The following NXPE2 variants were observed in gnomAD, a reference collection of about 807,000 sequenced individuals.
NXPE2 encodes the protein neurexophilin and PC-esterase domain family member 2, also known as NXPE family member 2.
In NXPE2, 34 loss-of-function variants were observed where a neutral mutation model predicts 34.4. The ratio of observed to expected loss-of-function variants is 0.99; its 90% CI spans 0.75 to 1.31. NXPE2 has a LOEUF of 1.31. Ranked by LOEUF, NXPE2 falls within the 40% of genes most tolerant of loss-of-function variation. The pLI is 0.00. For missense variants in NXPE2, 649 were observed against 672.5 expected (o/e 0.97, Z 0.39); for synonymous variants, 235 against 231.3 (o/e 1.02, Z -0.15).
the NXPE2 span, among the ~76,000 whole-genome samples, chr11:114,474,101 C>G: frequency 3.9e-5 from 6 of 152,150 alleles, no homozygotes; most frequent in African/African-American, 1.2e-4. Flanking sequence ...CATCAATTTG[C>G]TTTTGCACAG....
At chr11:114,561,526 C>T in the NXPE2 span, among the ~76,000 whole-genome samples, 2 of 152,142 alleles carry the variant, frequency 1.3e-5, no homozygotes, top group Non-Finnish European at 2.9e-5. Context: ...GTAGCTCTTT[C>T]AGAGGGGACC....
At chr11:114,594,485 C>G in the NXPE2 span, among the ~76,000 whole-genome samples, 1 of 152,178 alleles carries the variant, frequency 6.6e-6, no homozygotes, top group African/African-American at 2.4e-5. Flanking sequence ...TGTGAACACA[C>G]ACACAGTATT....
At chr11:114,598,991 CA>C in the NXPE2 span, among the ~76,000 whole-genome samples, 1 of 152,272 alleles carries the variant, frequency 6.6e-6, no homozygotes, top group Non-Finnish European at 1.5e-5. Context: ...TTCTTTTTAC[CA>C]TATGGCCAGG....
At chr11:114,798,677 C>T in the NXPE2 span, among the ~76,000 whole-genome samples, 3 of 152,204 alleles carry the variant, frequency 2.0e-5, no homozygotes, top group Non-Finnish European at 4.4e-5. Flanking sequence ...CCACTGCACC[C>T]GGCCGGGACT....
At chr11:114,472,488 C>A in the NXPE2 span, among the ~76,000 whole-genome samples, 1 of 152,208 alleles carries the variant, frequency 6.6e-6, no homozygotes, top group South Asian at 2.1e-4. Flanking sequence ...ATGTGGCCCA[C>A]GGGCTGTGGA....
chr11:114,519,567 G>T, the NXPE2 span, among the ~76,000 whole-genome samples: 2 of 152,142 alleles, frequency 1.3e-5, no homozygotes, highest in East Asian at 3.8e-4. Flanking sequence ...CTTTCCCGGG[G>T]TGTCAGGGAA....
At chr11:114,557,640 T>C in the NXPE2 span, among the ~76,000 whole-genome samples, 1 of 9,906 alleles carries the variant, frequency 1.0e-4, no homozygotes, top group Non-Finnish European at 1.6e-4. Flanking sequence ...AATACATATA[T>C]ATATATATAT....
chr11:114,537,615 C>T, the NXPE2 span, among the ~76,000 whole-genome samples: 9 of 152,274 alleles, frequency 5.9e-5, no homozygotes, highest in Admixed American at 2.6e-4. Context: ...GCAAAAATCA[C>T]GAGCATTCTT....
chr11:114,545,691 CTTT>C, the NXPE2 span, among the ~76,000 whole-genome samples: 2 of 138,762 alleles, frequency 1.4e-5, no homozygotes, highest in African/African-American at 2.6e-5. Context: ...AAGAGTGGAT[CTTT>C]TTTTTTTTTT....
the NXPE2 span, among the ~76,000 whole-genome samples, chr11:114,758,990 C>T: frequency 6.6e-6 from 1 of 151,956 alleles, no homozygotes; most frequent in African/African-American, 2.4e-5. Context: ...CTGTTTTAAT[C>T]ATCCAAAGAA....
the NXPE2 span, among the ~76,000 whole-genome samples, chr11:114,573,044 T>C: frequency 5.3e-5 from 8 of 152,186 alleles, no homozygotes; most frequent in African/African-American, 1.7e-4. Flanking sequence ...CTAGAAGGGA[T>C]TGGGGTTCTA....
the NXPE2 span, among the ~76,000 whole-genome samples, chr11:114,597,330 C>T: frequency 6.6e-6 from 1 of 152,124 alleles, no homozygotes; most frequent in African/African-American, 2.4e-5. Context: ...GAACAGTGAT[C>T]TGAAATCTGA....
the NXPE2 span, among the ~76,000 whole-genome samples, chr11:114,619,940 G>A: frequency 1.4e-4 from 21 of 151,548 alleles, no homozygotes; most frequent in South Asian, 4.2e-4. Flanking sequence ...ACTGTTACCC[G>A]GTGGATAATA....
At chr11:114,600,631 G>A in the NXPE2 span, among the ~76,000 whole-genome samples, 2 of 152,040 alleles carry the variant, frequency 1.3e-5, no homozygotes, top group Admixed American at 1.3e-4. Context: ...CAGCTAAGGA[G>A]ACATGATGAC....
At chr11:114,789,368 A>G in the NXPE2 span, among the ~76,000 whole-genome samples, 3 of 152,212 alleles carry the variant, frequency 2.0e-5, no homozygotes, top group Non-Finnish European at 4.4e-5. Context: ...ATGAACTCAA[A>G]CCATATGAAA....
the NXPE2 span, among the ~76,000 whole-genome samples, chr11:114,466,451 C>G: frequency 1.3e-5 from 2 of 152,044 alleles, no homozygotes; most frequent in African/African-American, 4.8e-5. Context: ...TTTCCTTGTC[C>G]CCTGGTGAGC....
the NXPE2 span, among the ~76,000 whole-genome samples, chr11:114,609,072 T>C: frequency 6.6e-5 from 10 of 151,862 alleles, no homozygotes; most frequent in Admixed American, 6.6e-4. Flanking sequence ...GGGTAACCAC[T>C]GTTATCCGGT....
chr11:114,663,626 T>TATCATCTATC, the NXPE2 span, among the ~76,000 whole-genome samples: 1 of 55,560 alleles, frequency 1.8e-5, no homozygotes, highest in Non-Finnish European at 4.3e-5. Context: ...TCTATCTATC[T>TATCATCTATC]ATCTATCTAT....
the NXPE2 span, chr11:114,529,056 T>A: frequency 1.5e-5 from 6 of 391,646 alleles, no homozygotes; most frequent in African/African-American, 1.2e-4. Context: ...TATTTTGTCA[T>A]GTTTGGTGCC....
Sources: allele counts gnomAD v4.1 joint callset (sites outside exome capture counted in the v4.1 genomes callset), GRCh38; gene constraint gnomAD v4.1.1; transcripts MANE v1.5; gene names NCBI Gene and HGNC (gene_info 2026-07-23, HGNC 2026-07-21).